The following GFRA1 variants were observed in gnomAD, a reference collection of about 807,000 sequenced individuals.
The protein encoded by GFRA1 is GDNF family receptor alpha 1, also known as GDNF family receptor alpha-1.
Under a neutral mutation model 51.6 loss-of-function variants are expected in GFRA1, and 16 were observed. That is an observed-to-expected ratio of 0.31 (90% confidence interval 0.21 to 0.47). The LOEUF is 0.47. Among genes scored for constraint, GFRA1 ranks in the 20% least tolerant of loss-of-function variants. The probability of loss-of-function intolerance (pLI) is 1.00; values close to 1 mark genes in which losing one functional copy is unlikely to be tolerated. For synonymous variants in GFRA1, 270 were observed against 241.3 expected (o/e 1.12, Z -1.10); for missense variants, 530 against 594.3 (o/e 0.89, Z 1.13).
chr10:116,267,491 A>C (rs1237775797), intron 4 of GFRA1, among the ~76,000 whole-genome samples: 2 of 152,162 alleles, frequency 1.3e-5, no homozygotes, highest in African/African-American at 4.8e-5. Flanking sequence ...AAACAAAAAA[A>C]AAAACCATTG....
intron 4 of GFRA1, among the ~76,000 whole-genome samples, chr10:116,222,181 T>G (rs1220254447): frequency 6.6e-6 from 1 of 151,962 alleles, no homozygotes; most frequent in Non-Finnish European, 1.5e-5. Context: ...CCAGAGGGCT[T>G]TCTTTTCTTC....
At chr10:116,181,054 C>T (rs1962167618) in intron 5 of GFRA1, among the ~76,000 whole-genome samples, 1 of 152,162 alleles carries the variant, frequency 6.6e-6, no homozygotes, top group Non-Finnish European at 1.5e-5. Context: ...TTTGATGACG[C>T]TCTTGAGGTG....
intron 6 of GFRA1, among the ~76,000 whole-genome samples, chr10:116,112,629 T>C (rs1425001797): frequency 6.6e-6 from 1 of 152,122 alleles, no homozygotes; most frequent in Non-Finnish European, 1.5e-5. Flanking sequence ...AATATGATGG[T>C]GAAATCCTTT....
chr10:116,120,092 C>T (rs1431829272), intron 6 of GFRA1, among the ~76,000 whole-genome samples: 1 of 152,202 alleles, frequency 6.6e-6, no homozygotes, highest in Non-Finnish European at 1.5e-5. Flanking sequence ...ATGGTGATTT[C>T]ATCAAAGCCA....
chr10:116,086,951 G>A (rs1329257146), intron 9 of GFRA1, among the ~76,000 whole-genome samples: 6 of 152,188 alleles, frequency 3.9e-5, no homozygotes, highest in South Asian at 2.1e-4. Context: ...CCAAGTAGCT[G>A]GGATTACAGG....
rs978578449 is a variant in GFRA1 at position 116,127,472 on chromosome 10, A to G, written c.434-1915T>C. Among the ~76,000 whole-genome samples the G allele has an allele frequency of 3.3e-5, 5 of 152,332 alleles. No homozygotes were observed. The South Asian group carries it at 1.0e-3, about 32-fold the overall frequency. On this transcript the variant is annotated intron_variant, in intron 5 of 10. Coordinates refer to ENST00000355422, the MANE Select transcript of GFRA1 (RefSeq NM_005264.8). ...GCTCTAGGTTCATGTGTCTTCCTGT[A>G]ACATCAGAGTCCAAGAAATTTGCTG...
chr10:116,270,059 G>A (rs1843777424), intron 3 of GFRA1, among the ~76,000 whole-genome samples: 1 of 152,158 alleles, frequency 6.6e-6, no homozygotes, highest in African/African-American at 2.4e-5. Context: ...GGAAGTGACC[G>A]CTGACAGGTC....
intron 4 of GFRA1, among the ~76,000 whole-genome samples, chr10:116,250,638 C>T (rs2901101): frequency 0.37 from 56,388 of 152,064 alleles, 11,814 homozygotes; most frequent in Non-Finnish European, 0.49. Context: ...CTGGTCCAGA[C>T]GGCTGTTTTG....
intron 4 of GFRA1, among the ~76,000 whole-genome samples, chr10:116,232,393 A>C (rs922234184): frequency 1.3e-5 from 2 of 152,184 alleles, no homozygotes; most frequent in Non-Finnish European, 2.9e-5. Flanking sequence ...CATTTGAATG[A>C]ATCCATTTAT....
chr10:116,186,155 G>A (rs1407098806), intron 5 of GFRA1, among the ~76,000 whole-genome samples: 1 of 152,278 alleles, frequency 6.6e-6, no homozygotes, highest in African/African-American at 2.4e-5. Context: ...GCACAGGGAG[G>A]AGAGCCCCCA....
At chr10:116,096,902 TAC>T in intron 6 of GFRA1, 138 bp from the exon 7 acceptor site, 20 of 641,240 alleles carry the variant, frequency 3.1e-5, no homozygotes, top group Admixed American at 4.4e-5. Context: ...CACACACACA[TAC>T]ACACAAAATA....
chr10:116,206,621 T>C (rs1019176289), intron 5 of GFRA1, among the ~76,000 whole-genome samples: 2 of 116,770 alleles, frequency 1.7e-5, no homozygotes, highest in Non-Finnish European at 3.3e-5. Context: ...AACCACATTC[T>C]CTTTTTTTTT....
rs55705154 is a variant in GFRA1 at position 116,244,762 on chromosome 10, G to A, written c.418+24741C>T. 9.8e-3 allele frequency among the ~76,000 whole-genome samples: 1,491 copies of A among 152,048 alleles called. 10 individuals carry two copies. The highest frequency in any genetic ancestry group is 0.016 in the Non-Finnish European group (1,065 of 67,962). ...AGCTTTGTCTGATAGAAGTTCAAAA[G>A]GAAGAGAAGTAAAAGAATAGAGAAG... is the stretch of plus-strand genomic sequence containing the variant. On this transcript the variant is annotated intron_variant, in intron 4 of 10. Coordinates refer to ENST00000355422, the MANE Select transcript of GFRA1 (RefSeq NM_005264.8).
intron 5 of GFRA1, among the ~76,000 whole-genome samples, chr10:116,179,898 C>T (rs1962043097): frequency 6.6e-6 from 1 of 152,096 alleles, no homozygotes; most frequent in Non-Finnish European, 1.5e-5. Context: ...TTTCCAGGGT[C>T]ATTAGCCCAG....
chr10:116,271,849 C>T (rs2134842829), intron 2 of GFRA1, 141 bp downstream of exon 2: 8 of 746,902 alleles, frequency 1.1e-5, no homozygotes, highest in South Asian at 1.0e-4. Flanking sequence ...TTCGCGATCC[C>T]ATTCCCCAAA....
intron 6 of GFRA1, among the ~76,000 whole-genome samples, chr10:116,110,966 T>C (rs984990510): frequency 1.3e-5 from 2 of 152,130 alleles, no homozygotes; most frequent in Admixed American, 1.3e-4. Context: ...CTTTTGGATC[T>C]TGAACACACG....
intron 5 of GFRA1, among the ~76,000 whole-genome samples, chr10:116,189,892 T>G (rs147486392): frequency 1.4e-5 from 2 of 142,748 alleles, no homozygotes; most frequent in African/African-American, 2.8e-5. Flanking sequence ...TAGGCCAGGG[T>G]TTTTTTTTTA....
At chr10:116,121,076 G>C (rs1317557820) in intron 6 of GFRA1, among the ~76,000 whole-genome samples, 1 of 152,208 alleles carries the variant, frequency 6.6e-6, no homozygotes, top group Non-Finnish European at 1.5e-5. Context: ...ATGAAGAATA[G>C]CTGAGGTACC....
chr10:116,167,380 T>C (rs1960571844), intron 5 of GFRA1, among the ~76,000 whole-genome samples: 1 of 152,074 alleles, frequency 6.6e-6, no homozygotes, highest in Admixed American at 6.5e-5. Flanking sequence ...TAACACGTGG[T>C]CTGGCATAAG....
Sources: gnomAD v4.1 joint callset for allele counts (sites outside exome capture counted in the v4.1 genomes callset) on GRCh38, gnomAD v4.1.1 for gene constraint, MANE v1.5 for transcripts, NCBI Gene and HGNC (gene_info 2026-07-23, HGNC 2026-07-21) for gene names.